The following RAB6A variants were observed in gnomAD, a reference collection of about 807,000 sequenced individuals.
RAB6A encodes ras-related protein Rab-6A.
A neutral mutation model predicts 32.3 loss-of-function variants in RAB6A; 8 were observed. The ratio of observed to expected loss-of-function variants is 0.25; its 90% CI spans 0.15 to 0.45. The LOEUF is 0.45. RAB6A is among the 20% of genes least tolerant of loss of function. The pLI is 1.00. For missense variants in RAB6A, 104 were observed against 249.4 expected (o/e 0.42, Z 3.93); for synonymous variants, 73 against 82.1 (o/e 0.89, Z 0.60).
intron 1 of RAB6A, among the ~76,000 whole-genome samples, chr11:73,731,686 A>T (rs551169900): frequency 3.5e-3 from 97 of 27,560 alleles, no homozygotes; most frequent in African/African-American, 0.01. Flanking sequence ...GATAGATATT[A>T]TATATATATA....
chr11:73,684,168 G>GTTT (rs35035887), intron 6 of RAB6A, among the ~76,000 whole-genome samples: 14 of 144,378 alleles, frequency 9.7e-5, no homozygotes, highest in Non-Finnish European at 1.1e-4. Flanking sequence ...ATACATTGTT[G>GTTT]TTTTTTTTTT....
At chr11:73,687,916 C>CT (rs1226466679) in intron 6 of RAB6A, among the ~76,000 whole-genome samples, 1 of 152,136 alleles carries the variant, frequency 6.6e-6, no homozygotes, top group East Asian at 1.9e-4. Context: ...TTTGGATTTG[C>CT]TTGTTGCTTC....
intron 1 of RAB6A, among the ~76,000 whole-genome samples, chr11:73,759,364 T>TA (rs897073436): frequency 3.9e-5 from 6 of 152,018 alleles, no homozygotes; most frequent in African/African-American, 1.2e-4. Flanking sequence ...TAATCGTAGA[T>TA]ACAACCATCA....
In RAB6A at chr11:73,710,935, T is replaced by C. The variant is rs573304478; in HGVS notation, c.402-3422A>G. ...TTTTCTTTAAACTTATAATTTATCTTTCCTTTTTGGCCCTGATTTATAGTT... is the reference window on the plus strand; with the variant it reads ...TTTTCTTTAAACTTATAATTTATCTCTCCTTTTTGGCCCTGATTTATAGTT... On this transcript the variant is annotated intron_variant, in intron 5 of 7. Transcript: ENST00000336083. Among the ~76,000 whole-genome samples, 4 of 152,200 alleles carry C rather than the reference T, an allele frequency of 2.6e-5. No individual in the cohort carries two copies. In the South Asian group the frequency reaches 8.3e-4, roughly 32 times the overall value.
chr11:73,682,549 G>A (rs1345232852), intron 6 of RAB6A, among the ~76,000 whole-genome samples: 1 of 152,148 alleles, frequency 6.6e-6, no homozygotes, highest in Non-Finnish European at 1.5e-5. Flanking sequence ...TGCAGTCCCA[G>A]CAACTAGGGA....
intron 1 of RAB6A, chr11:73,759,950 TCA>T: frequency 1.1e-6 from 1 of 913,288 alleles, no homozygotes; most frequent in Non-Finnish European, 1.5e-6. Flanking sequence ...CACCCCATGC[TCA>T]AGTCGTCTCC....
In RAB6A at chr11:73,681,600, C is replaced by T. The variant is rs184495597; in HGVS notation, c.496-1880G>A. Among the ~76,000 whole-genome samples, 197 of 152,170 alleles carry T rather than the reference C, an allele frequency of 1.3e-3. 4 individuals are homozygous for T. Among genetic ancestry groups the T allele is most frequent in the Admixed American group, 0.012 (178 of 15,264 alleles). On this transcript the variant is annotated intron_variant, in intron 6 of 7. Transcript: ENST00000336083. ...GGCCAAGGAAGGCAGATTACGAGGT[C>T]GAGTTTGAGACCAGCCTGGCCAACA...
chr11:73,717,747 A>T (rs1045343042), intron 4 of RAB6A, among the ~76,000 whole-genome samples: 17 of 152,110 alleles, frequency 1.1e-4, no homozygotes, highest in African/African-American at 3.9e-4. Context: ...CCCGGCCTAA[A>T]CCTAGCACTT....
At chr11:73,685,593 T>TCTTTTTTTTTTTTTTTTTTTTTTTTA (rs1555054180) in intron 6 of RAB6A, among the ~76,000 whole-genome samples, 1 of 146,968 alleles carries the variant, frequency 6.8e-6, no homozygotes, top group Non-Finnish European at 1.5e-5. Flanking sequence ...GGACTGAAAG[T>TCTTTTTTTTTTTTTTTTTTTTTTTTA]AGCGACCAGG....
intron 6 of RAB6A, among the ~76,000 whole-genome samples, chr11:73,700,109 T>C (rs1480521055): frequency 6.6e-6 from 1 of 151,874 alleles, no homozygotes; most frequent in Non-Finnish European, 1.5e-5. Flanking sequence ...GGAGTTTTTC[T>C]TTTCTTTTTC....
At chr11:73,743,469 CTTG>C in intron 1 of RAB6A, among the ~76,000 whole-genome samples, 1 of 152,062 alleles carries the variant, frequency 6.6e-6, no homozygotes, top group African/African-American at 2.4e-5. Context: ...TTATGTCAAA[CTTG>C]AGTTTGAAGC....
Position 73,739,263 on chromosome 11 carries a change from T to TTAAAAAAAAAAAAA in RAB6A, c.71-8441_71-8440insTTTTTTTTTTTTTA, listed in dbSNP as rs1555066890. On this transcript the variant is annotated intron_variant, in intron 1 of 7. Coordinates refer to ENST00000336083, the MANE Select transcript of RAB6A (RefSeq NM_198896.2). Reference sequence around the variant, plus strand: ...GCAAAAAAAAAATAGTAATAATAATTAAAAAAAAAAAAAAAAAAAAAATAT... The same window carrying TTAAAAAAAAAAAAA: ...GCAAAAAAAAAATAGTAATAATAATTTAAAAAAAAAAAAAAAAAAAAAAAAAAAAAAAAAAATAT... Among the ~76,000 whole-genome samples, 9 of 9,382 alleles carry TTAAAAAAAAAAAAA rather than the reference T, an allele frequency of 9.6e-4. 1 individual carries two copies. The highest frequency in any genetic ancestry group is 2.3e-3 in the Admixed American group (1 of 442). The allele number at this position is 9,382 out of a possible 152,430, so 6.2% of individuals were successfully genotyped here.
At chr11:73,734,606 C>T (rs1946365212) in intron 1 of RAB6A, among the ~76,000 whole-genome samples, 1 of 152,164 alleles carries the variant, frequency 6.6e-6, no homozygotes. Flanking sequence ...TACCTCAGAT[C>T]ATCAGGCATT....
chr11:73,742,291 T>A (rs1471792446), intron 1 of RAB6A, among the ~76,000 whole-genome samples: 1 of 151,028 alleles, frequency 6.6e-6, no homozygotes, highest in Non-Finnish European at 1.5e-5. Flanking sequence ...CAAAAATAAA[T>A]AAATAAATAA....
chr11:73,697,693 T>C (rs879912547), intron 6 of RAB6A, among the ~76,000 whole-genome samples: 2 of 152,154 alleles, frequency 1.3e-5, no homozygotes, highest in Non-Finnish European at 2.9e-5. Flanking sequence ...TTAAGGATTA[T>C]ATTTCACTAA....
rs1347116405 is a variant in RAB6A at position 73,682,736 on chromosome 11, T to C, written c.496-3016A>G. Among the ~76,000 whole-genome samples, 4 of 152,256 alleles carry C rather than the reference T, an allele frequency of 2.6e-5. No individual in the cohort carries two copies. The East Asian group carries it at 7.8e-4, about 30-fold the overall frequency. Reference sequence around the variant, plus strand: ...TGGAGTACAGTGGCATGATCATAGCTCACTGCAGCCTTGACCTCCTGGGCT... The same window carrying C: ...TGGAGTACAGTGGCATGATCATAGCCCACTGCAGCCTTGACCTCCTGGGCT... On this transcript the variant is annotated intron_variant, in intron 6 of 7. Coordinates refer to ENST00000336083, the MANE Select transcript of RAB6A (RefSeq NM_198896.2).
At chr11:73,753,508 G>A (rs1431664393) in intron 1 of RAB6A, among the ~76,000 whole-genome samples, 6 of 151,406 alleles carry the variant, frequency 4.0e-5, no homozygotes, top group East Asian at 4.0e-4. Context: ...TCAGGAGATC[G>A]AGACCATCCT....
chr11:73,704,867 G>A (rs919732447), intron 6 of RAB6A, among the ~76,000 whole-genome samples: 1 of 147,592 alleles, frequency 6.8e-6, no homozygotes, highest in Non-Finnish European at 1.5e-5. Flanking sequence ...GTGGTGGTGG[G>A]CGCCTGTAGT....
At chr11:73,746,812 G>A (rs954115521) in intron 1 of RAB6A, among the ~76,000 whole-genome samples, 2 of 151,742 alleles carry the variant, frequency 1.3e-5, no homozygotes, top group African/African-American at 4.8e-5. Flanking sequence ...AGACTACTGG[G>A]TTGAAATCCC....
Sources: gnomAD v4.1 joint callset for allele counts (sites outside exome capture counted in the v4.1 genomes callset) on GRCh38, gnomAD v4.1.1 for gene constraint, MANE v1.5 for transcripts, NCBI Gene and HGNC (gene_info 2026-07-23, HGNC 2026-07-21) for gene names.